The following MTMR2 variants were observed in gnomAD, a reference collection of about 807,000 sequenced individuals.
The protein encoded by MTMR2 is myotubularin related protein 2.
Under a neutral mutation model 86.9 loss-of-function variants are expected in MTMR2, and 55 were observed. The observed-to-expected ratio is 0.63, with a 90% CI of 0.51 to 0.79. MTMR2 has a LOEUF of 0.79. Ranked by LOEUF, MTMR2 falls within the 30% of genes least tolerant of loss-of-function variation. The probability of loss-of-function intolerance (pLI) is 0.00; values close to 1 mark genes in which losing one functional copy is unlikely to be tolerated. For synonymous variants in MTMR2, 241 were observed against 266.8 expected (o/e 0.90, Z 0.94); for missense variants, 659 against 772.3 (o/e 0.85, Z 1.74).
In MTMR2 at chr11:95,890,722, C is replaced by G. The variant is rs746938452; in HGVS notation, c.81-2461G>C. ...TTGTAGCATCACTGAGCCAACAACTCTCTACCTCTGGAATTCTTGTTATGT... is the reference window on the plus strand; with the variant it reads ...TTGTAGCATCACTGAGCCAACAACTGTCTACCTCTGGAATTCTTGTTATGT... On this transcript the variant is annotated intron_variant, in intron 1 of 14. Coordinates refer to ENST00000346299, the MANE Select transcript of MTMR2 (RefSeq NM_016156.6). Among the ~76,000 whole-genome samples, 173 of 152,292 alleles carry G rather than the reference C, an allele frequency of 1.1e-3. 1 individual carries two copies. The highest frequency in any genetic ancestry group is 1.8e-3 in the Non-Finnish European group (124 of 68,020).
At chr11:95,897,758 C>T (rs936544257) in intron 1 of MTMR2, among the ~76,000 whole-genome samples, 3 of 152,126 alleles carry the variant, frequency 2.0e-5, no homozygotes, top group South Asian at 2.1e-4. Flanking sequence ...AATACATACA[C>T]GGTTGGTTCA....
intron 3 of MTMR2, among the ~76,000 whole-genome samples, chr11:95,862,672 A>C (rs78071739): frequency 0.044 from 6,703 of 152,300 alleles, 232 homozygotes; most frequent in South Asian, 0.082. Context: ...TAGCTGCAGC[A>C]GAGACGGGTG....
intron 2 of MTMR2, among the ~76,000 whole-genome samples, chr11:95,880,748 G>A (rs1405990403): frequency 6.6e-6 from 1 of 151,886 alleles, no homozygotes; most frequent in Non-Finnish European, 1.5e-5. Flanking sequence ...TGAATTTCTT[G>A]TTCATAGACT....
At chr11:95,903,642 C>G (rs370363844) in intron 1 of MTMR2, among the ~76,000 whole-genome samples, 16 of 152,094 alleles carry the variant, frequency 1.1e-4, no homozygotes, top group African/African-American at 3.6e-4. Context: ...CTTTCTTCAC[C>G]CTGTATCATC....
chr11:95,888,263 T>C lies in MTMR2; in HGVS notation c.81-2A>G. 2 of 1,607,486 alleles carry C rather than the reference T, an allele frequency of 1.2e-6. No homozygotes were observed. The highest frequency in any genetic ancestry group is 1.1e-5 in the South Asian group (1 of 90,846). ...TTCTCTGAATGAGAAGTGGAGGCAC[T>C]ACAAAATACAAAAGTACAGTATGTT... On this transcript the variant is annotated splice_acceptor_variant, in intron 1 of 14. Coordinates refer to ENST00000346299, the MANE Select transcript of MTMR2 (RefSeq NM_016156.6). LOFTEE classifies it high-confidence loss of function.
intron 7 of MTMR2, 128 bp downstream of exon 7, chr11:95,857,424 T>G (rs2135461838): frequency 1.4e-6 from 1 of 705,290 alleles, no homozygotes; most frequent in Middle Eastern, 2.5e-4. Context: ...TGAATTCTGC[T>G]TTAATCTCTT....
At chr11:95,901,582 A>G (rs1591038559) in intron 1 of MTMR2, among the ~76,000 whole-genome samples, 1 of 152,334 alleles carries the variant, frequency 6.6e-6, no homozygotes, top group East Asian at 1.9e-4. Context: ...TTAGTGGCAC[A>G]GCCAGAGAGA....
At chr11:95,870,733 TTTTC>T (rs1864837130) in intron 2 of MTMR2, among the ~76,000 whole-genome samples, 1 of 144,718 alleles carries the variant, frequency 6.9e-6, no homozygotes, top group Non-Finnish European at 1.5e-5. Flanking sequence ...CTTTTTTTCT[TTTTC>T]TTTTTTTTTT....
intron 1 of MTMR2, among the ~76,000 whole-genome samples, chr11:95,917,431 C>T (rs1373919467): frequency 2.0e-5 from 3 of 152,160 alleles, no homozygotes; most frequent in Non-Finnish European, 4.4e-5. Context: ...ATAATCCAAA[C>T]TTTACAGGTT....
At chr11:95,835,526 G>A in intron 14 of MTMR2, 75 bp from the exon 15 acceptor site, 2 of 1,484,346 alleles carry the variant, frequency 1.3e-6, no homozygotes, top group East Asian at 2.3e-5. Context: ...CCTAAATGTT[G>A]CAGTGTATGT....
At chr11:95,843,293 A>C (rs1863628721) in intron 11 of MTMR2, among the ~76,000 whole-genome samples, 1 of 152,210 alleles carries the variant, frequency 6.6e-6, no homozygotes, top group Admixed American at 6.5e-5. Flanking sequence ...TTATATGATG[A>C]AATGCATTTA....
At chr11:95,907,072 T>A (rs1565384894) in intron 1 of MTMR2, among the ~76,000 whole-genome samples, 1 of 151,746 alleles carries the variant, frequency 6.6e-6, no homozygotes, top group African/African-American at 2.4e-5. Context: ...TCAAGGAAAG[T>A]GGAAGTTGGT....
intron 2 of MTMR2, among the ~76,000 whole-genome samples, chr11:95,886,764 A>G (rs1206557986): frequency 6.6e-6 from 1 of 152,194 alleles, no homozygotes; most frequent in East Asian, 1.9e-4. Flanking sequence ...GACCAGAAGT[A>G]TGCCAAGACA....
chr11:95,890,459 G>C (rs1865678110), intron 1 of MTMR2, among the ~76,000 whole-genome samples: 1 of 152,160 alleles, frequency 6.6e-6, no homozygotes, highest in Admixed American at 6.5e-5. Flanking sequence ...GGCTAGGAGA[G>C]CCACGTGAGT....
At chr11:95,841,474 C>T in intron 12 of MTMR2, 143 bp downstream of exon 12, 8 of 736,116 alleles carry the variant, frequency 1.1e-5, no homozygotes, top group Non-Finnish European at 1.7e-5. Flanking sequence ...CATAATGTGA[C>T]AATAAATAGC....
intron 1 of MTMR2, among the ~76,000 whole-genome samples, chr11:95,892,724 C>G (rs1045019298): frequency 6.6e-6 from 1 of 152,116 alleles, no homozygotes; most frequent in Non-Finnish European, 1.5e-5. Flanking sequence ...CTTTGTGTTT[C>G]CTACACCCAC....
chr11:95,906,019 G>GT (rs1377344825), intron 1 of MTMR2, among the ~76,000 whole-genome samples: 1 of 152,182 alleles, frequency 6.6e-6, no homozygotes, highest in African/African-American at 2.4e-5. Flanking sequence ...GAAGCCAGGA[G>GT]TTTGAGACCA....
At position 95,858,416 on chromosome 11, in the gene MTMR2, G is replaced by T. The variant is rs1218872484; in HGVS notation, c.570+115C>A. On this transcript the variant is annotated intron_variant, in intron 6 of 14. Transcript: ENST00000346299. Reference sequence around the variant, plus strand: ...TAAGTTACACTTACACTATACATCTGGTTAAATGTCAAAGCAGGGATGTAA... The same window carrying T: ...TAAGTTACACTTACACTATACATCTTGTTAAATGTCAAAGCAGGGATGTAA... 5.2e-6 allele frequency: 4 copies of T among 765,270 alleles called. No homozygotes were observed. The Admixed American group carries it at 7.1e-5, about 14-fold the overall frequency. The allele number at this position is 765,270 out of a possible 1,614,324, so 47.4% of individuals were successfully genotyped here. A position where few individuals can be genotyped will look rare whatever the true frequency, so the allele number is the denominator to read the frequency against.
At chr11:95,896,723 G>C (rs376161879) in intron 1 of MTMR2, among the ~76,000 whole-genome samples, 2 of 152,182 alleles carry the variant, frequency 1.3e-5, no homozygotes, top group South Asian at 4.2e-4. Context: ...TCTGTGAAAG[G>C]AGGGAGAGGG....
Sources: gnomAD v4.1 joint callset for allele counts (sites outside exome capture counted in the v4.1 genomes callset) on GRCh38, gnomAD v4.1.1 for gene constraint, MANE v1.5 for transcripts, NCBI Gene and HGNC (gene_info 2026-07-23, HGNC 2026-07-21) for gene names.